The following GRID2 variants were observed in gnomAD, a reference collection of about 807,000 sequenced individuals.
GRID2 encodes the protein glutamate receptor ionotropic, delta-2.
A neutral mutation model predicts 114.8 loss-of-function variants in GRID2; 33 were observed. That is an observed-to-expected ratio of 0.29 (90% CI 0.22 to 0.38). The LOEUF is 0.38. GRID2 is among the 10% of genes least tolerant of loss of function. The pLI is 1.00. For missense variants in GRID2, 1,184 were observed against 1,257.7 expected, an observed-to-expected ratio of 0.94 and a Z score of 0.89; for synonymous variants, 505 against 449.9, an observed-to-expected ratio of 1.12 and a Z score of -1.55.
chr4:92,708,937 G>T (rs1735080413), intron 2 of GRID2, among the ~76,000 whole-genome samples: 1 of 151,914 alleles, frequency 6.6e-6, no homozygotes, highest in Admixed American at 6.6e-5. Flanking sequence ...AAATAAAGGG[G>T]GAAATATTTT....
At chr4:92,532,119 A>C (rs1261346287) in intron 1 of GRID2, among the ~76,000 whole-genome samples, 3 of 152,170 alleles carry the variant, frequency 2.0e-5, no homozygotes. Flanking sequence ...ATTGGGAATG[A>C]ATTCAGTTTC....
intron 14 of GRID2, among the ~76,000 whole-genome samples, chr4:93,752,661 C>T (rs564388986): frequency 2.0e-5 from 3 of 152,150 alleles, no homozygotes; most frequent in Admixed American, 6.5e-5. Context: ...TGAGCCACCG[C>T]GCCTGGCCAA....
At chr4:93,794,471 T>C (rs909924043) in intron 1 of GRID2, among the ~76,000 whole-genome samples, 3 of 152,134 alleles carry the variant, frequency 2.0e-5, no homozygotes, top group Non-Finnish European at 2.9e-5. Flanking sequence ...AAAGGAGCCG[T>C]GGAGAGGCAG....
intron 1 of GRID2, among the ~76,000 whole-genome samples, chr4:92,511,953 A>G (rs1724273066): frequency 6.6e-6 from 1 of 151,778 alleles, no homozygotes; most frequent in African/African-American, 2.4e-5. Context: ...TGTACCCATT[A>G]TATATAATAC....
chr4:93,379,615 A>G (rs1763673700), intron 8 of GRID2, among the ~76,000 whole-genome samples: 1 of 152,146 alleles, frequency 6.6e-6, no homozygotes, highest in African/African-American at 2.4e-5. Flanking sequence ...TGCGCAAAAT[A>G]AAATACTTTG....
At chr4:93,554,012 T>C (rs188516253) in intron 13 of GRID2, among the ~76,000 whole-genome samples, 1,743 of 152,298 alleles carry the variant, frequency 0.011, 19 homozygotes, top group Non-Finnish European at 0.02. Flanking sequence ...TGACAGTGAT[T>C]CTGTGACTTT....
chr4:92,644,028 TTA>T (rs1731491292), intron 2 of GRID2, among the ~76,000 whole-genome samples: 1 of 151,712 alleles, frequency 6.6e-6, no homozygotes, highest in South Asian at 2.1e-4. Flanking sequence ...CAAGTAGAGA[TTA>T]GTTATCCTGA....
intron 2 of GRID2, among the ~76,000 whole-genome samples, chr4:92,733,106 A>T (rs1357940097): frequency 6.6e-6 from 1 of 150,608 alleles, no homozygotes; most frequent in Non-Finnish European, 1.5e-5. Flanking sequence ...CTCTCTCTCC[A>T]GTGTGTTTAT....
At chr4:93,605,579 G>C (rs1384702850) in intron 13 of GRID2, among the ~76,000 whole-genome samples, 2 of 152,142 alleles carry the variant, frequency 1.3e-5, no homozygotes, top group African/African-American at 4.8e-5. Flanking sequence ...TATAGTAATA[G>C]TTGAATGAAT....
At chr4:92,831,291 T>A (rs942988796) in intron 2 of GRID2, among the ~76,000 whole-genome samples, 1 of 152,028 alleles carries the variant, frequency 6.6e-6, no homozygotes, top group South Asian at 2.1e-4. Flanking sequence ...AGAATATGAG[T>A]GAGTATGCTT....
At chr4:93,250,387 C>G (rs1292127225) in intron 8 of GRID2, among the ~76,000 whole-genome samples, 1 of 151,590 alleles carries the variant, frequency 6.6e-6, no homozygotes, top group Non-Finnish European at 1.5e-5. Flanking sequence ...GGGGAAATAC[C>G]TAATGTAGAT....
intron 1 of GRID2, among the ~76,000 whole-genome samples, chr4:92,409,620 C>T (rs540307080): frequency 6.6e-5 from 10 of 151,824 alleles, no homozygotes; most frequent in East Asian, 1.9e-4. Context: ...CTGGTATGAC[C>T]GAACATACAA....
intron 3 of GRID2, among the ~76,000 whole-genome samples, chr4:93,097,142 T>A (rs1731292969): frequency 1.3e-5 from 2 of 152,130 alleles, no homozygotes; most frequent in South Asian, 2.1e-4. Flanking sequence ...TGGGGTAGAT[T>A]GTCTGGAAAG....
At chr4:92,604,528 T>G (rs1729365488) in intron 2 of GRID2, among the ~76,000 whole-genome samples, 1 of 135,066 alleles carries the variant, frequency 7.4e-6, no homozygotes, top group Non-Finnish European at 1.7e-5. Context: ...GGGAGGGGAC[T>G]TTTGGGGGTT....
chr4:93,631,084 T>G (rs1743203222), intron 14 of GRID2, among the ~76,000 whole-genome samples: 1 of 152,170 alleles, frequency 6.6e-6, no homozygotes, highest in Non-Finnish European at 1.5e-5. Context: ...AGCTGTCGAT[T>G]ATTAGAGCTG....
chr4:92,514,707 G>A (rs191602084), intron 1 of GRID2, among the ~76,000 whole-genome samples: 6 of 151,928 alleles, frequency 3.9e-5, no homozygotes, highest in Admixed American at 2.6e-4. Context: ...GACAGAAGTG[G>A]CCACTGGTCA....
At chr4:93,687,373 A>G (rs1378000540) in intron 14 of GRID2, among the ~76,000 whole-genome samples, 2 of 152,028 alleles carry the variant, frequency 1.3e-5, no homozygotes, top group African/African-American at 2.4e-5. Context: ...AGTTTATTTT[A>G]TAAGCCTGGA....
intron 2 of GRID2, among the ~76,000 whole-genome samples, chr4:92,652,032 T>C (rs931920914): frequency 6.6e-6 from 1 of 152,144 alleles, no homozygotes; most frequent in Non-Finnish European, 1.5e-5. Context: ...TACTTACTTG[T>C]GCATTCAGGG....
intron 1 of GRID2, among the ~76,000 whole-genome samples, chr4:93,781,497 T>G (rs1734478152): frequency 6.6e-6 from 1 of 152,114 alleles, no homozygotes; most frequent in Non-Finnish European, 1.5e-5. Flanking sequence ...TTTCTTCATT[T>G]GCAGTGGGTC....
Sources: gnomAD v4.1 joint callset for allele counts (sites outside exome capture counted in the v4.1 genomes callset) on GRCh38, gnomAD v4.1.1 for gene constraint, MANE v1.5 for transcripts, NCBI Gene and HGNC (gene_info 2026-07-23, HGNC 2026-07-21) for gene names.